Variants in MEF2A observed in about 807,000 individuals in gnomAD.
MEF2A encodes myocyte enhancer factor 2A, also known as myocyte-specific enhancer factor 2A.
MEF2A carries 28 observed loss-of-function variants against 55.8 expected under a neutral mutation model. The observed-to-expected ratio is 0.50, with a 90% CI of 0.37 to 0.69. The LOEUF (loss-of-function observed/expected upper bound fraction) is 0.69, where lower values mean the gene tolerates loss of function less well. Ranked by LOEUF, MEF2A falls within the 30% of genes least tolerant of loss-of-function variation. The pLI, the probability that MEF2A is intolerant of heterozygous loss-of-function variation, is 0.00. For synonymous variants in MEF2A, 239 were observed against 227.1 expected (o/e 1.05, Z -0.47); for missense variants, 528 against 626.2 (o/e 0.84, Z 1.67).
chr15:99,577,984 G>A (rs891386978), intron 1 of MEF2A, among the ~76,000 whole-genome samples: 1 of 152,170 alleles, frequency 6.6e-6, no homozygotes, highest in Non-Finnish European at 1.5e-5. Context: ...TACTAATGAC[G>A]TTAATCTTGT....
intron 7 of MEF2A, among the ~76,000 whole-genome samples, chr15:99,679,187 G>C (rs575270415): frequency 6.6e-6 from 1 of 152,324 alleles, no homozygotes; most frequent in South Asian, 2.1e-4. Flanking sequence ...CTGCAGATAC[G>C]TGTATTGTGT....
At chr15:99,628,390 C>T (rs1346447970) in intron 2 of MEF2A, among the ~76,000 whole-genome samples, 1 of 152,034 alleles carries the variant, frequency 6.6e-6, no homozygotes, top group South Asian at 2.1e-4. Flanking sequence ...AAATCCACTT[C>T]TATTATCTTC....
chr15:99,696,891 G>A (rs2056552765), intron 8 of MEF2A, among the ~76,000 whole-genome samples: 1 of 151,854 alleles, frequency 6.6e-6, no homozygotes, highest in South Asian at 2.1e-4. Context: ...ATGAACTCTA[G>A]ACACAAAAAT....
chr15:99,567,627 CTGTGTGTGTGTGTGTGTGTGTGTGTG>C (rs370539645), intron 1 of MEF2A, among the ~76,000 whole-genome samples: 22 of 143,872 alleles, frequency 1.5e-4, no homozygotes, highest in Non-Finnish European at 3.4e-4. Context: ...TTTGTATGTA[CTGTGTGTGTGTGTGTGTGTGTGTGTG>C]TGTGTGTGTG....
At chr15:99,703,154 A>G (rs1201157540) in intron 8 of MEF2A, among the ~76,000 whole-genome samples, 1 of 152,242 alleles carries the variant, frequency 6.6e-6, no homozygotes, top group Non-Finnish European at 1.5e-5. Context: ...TACTGGCCCT[A>G]GAGAATTTAA....
At chr15:99,648,464 T>C (rs2153498346) in intron 4 of MEF2A, among the ~76,000 whole-genome samples, 1 of 152,262 alleles carries the variant, frequency 6.6e-6, no homozygotes, top group East Asian at 1.9e-4. Flanking sequence ...CCATCTCATG[T>C]GGTTGAAAAC....
chr15:99,690,241 G>A lies in MEF2A; in HGVS notation c.671G>A (p.Gly224Glu), dbSNP rs1338970568. Reference protein sequence around the residue: ...VPNGAGSSPVGNGFVNSRASP... With the variant: ...VPNGAGSSPVENGFVNSRASP... ...TATTGAATGATATTTTTCCCCCCAG[G>A]GAATGGATTTGTAAACTCAAGAGCT... Residue 224 changes from glycine to glutamate, a missense_variant and splice_region_variant, in exon 8 of 12, where the codon GGG (glycine) becomes GAG (glutamate). Transcript: ENST00000557942. 2.5e-6 allele frequency: 4 copies of A among 1,612,688 alleles called. No individual in the cohort carries two copies. Among genetic ancestry groups the A allele is most frequent in the South Asian group, 1.1e-5 (1 of 90,762 alleles).
intron 2 of MEF2A, among the ~76,000 whole-genome samples, chr15:99,616,983 A>G (rs999560917): frequency 6.6e-6 from 1 of 152,160 alleles, no homozygotes; most frequent in African/African-American, 2.4e-5. Context: ...CCAAATCAAC[A>G]AGTTACTCTT....
intron 11 of MEF2A, 91 bp downstream of exon 11, chr15:99,710,851 C>T (rs138963694): frequency 5.3e-5 from 75 of 1,414,948 alleles, no homozygotes; most frequent in African/African-American, 4.1e-4. Context: ...TGTTGAGTTT[C>T]GTGTGAGGAA....
At chr15:99,709,360 C>T (rs981952407) in intron 10 of MEF2A, among the ~76,000 whole-genome samples, 6 of 152,162 alleles carry the variant, frequency 3.9e-5, no homozygotes, top group Non-Finnish European at 1.5e-5. Flanking sequence ...AAGGATGGGC[C>T]ATGTCAGATG....
intron 10 of MEF2A, among the ~76,000 whole-genome samples, chr15:99,710,009 A>G (rs1001767466): frequency 2.6e-5 from 4 of 152,160 alleles, no homozygotes; most frequent in Non-Finnish European, 2.9e-5. Flanking sequence ...TTGCTGATTC[A>G]AACTCACTCT....
chr15:99,636,814 A>G (rs955140884), intron 3 of MEF2A, among the ~76,000 whole-genome samples: 27 of 150,970 alleles, frequency 1.8e-4, no homozygotes, highest in Admixed American at 1.8e-3. Flanking sequence ...TTTTTTTTTA[A>G]CCTTTCATGT....
chr15:99,709,189 T>G (rs1343168693), intron 10 of MEF2A, among the ~76,000 whole-genome samples: 1 of 152,110 alleles, frequency 6.6e-6, no homozygotes, highest in Admixed American at 6.6e-5. Flanking sequence ...CTGGGCAGGC[T>G]TGAGAGAGAG....
intron 2 of MEF2A, among the ~76,000 whole-genome samples, chr15:99,617,598 A>G (rs2040424540): frequency 6.6e-6 from 1 of 152,206 alleles, no homozygotes; most frequent in Non-Finnish European, 1.5e-5. Context: ...AACAGAGGCT[A>G]ATCAAAACAG....
At chr15:99,711,176 C>T (rs1252891519) in intron 11 of MEF2A, among the ~76,000 whole-genome samples, 2 of 152,316 alleles carry the variant, frequency 1.3e-5, no homozygotes, top group South Asian at 2.1e-4. Context: ...GCATTCAGGC[C>T]TCCCTGCCAC....
intron 3 of MEF2A, among the ~76,000 whole-genome samples, chr15:99,644,999 T>G (rs998592132): frequency 1.3e-5 from 2 of 152,026 alleles, no homozygotes; most frequent in Non-Finnish European, 2.9e-5. Flanking sequence ...AAAAATTTTT[T>G]GGGGGGGTCT....
intron 4 of MEF2A, among the ~76,000 whole-genome samples, chr15:99,658,057 C>G (rs2048036695): frequency 6.6e-6 from 1 of 152,014 alleles, no homozygotes; most frequent in African/African-American, 2.4e-5. Flanking sequence ...CAAAGATGAC[C>G]AAGCATACAA....
At chr15:99,578,049 T>C (rs972977045) in intron 1 of MEF2A, among the ~76,000 whole-genome samples, 6 of 152,208 alleles carry the variant, frequency 3.9e-5, no homozygotes, top group African/African-American at 1.4e-4. Context: ...CATAGTGTAG[T>C]TGATAAATAT....
intron 2 of MEF2A, among the ~76,000 whole-genome samples, chr15:99,599,442 A>G (rs1309298104): frequency 1.3e-5 from 2 of 152,108 alleles, no homozygotes; most frequent in African/African-American, 2.4e-5. Flanking sequence ...ACATAGGTCT[A>G]AATTTTTTTT....
Sources: allele counts gnomAD v4.1 joint callset (sites outside exome capture counted in the v4.1 genomes callset), GRCh38; gene constraint gnomAD v4.1.1; transcripts MANE v1.5; gene names NCBI Gene and HGNC (gene_info 2026-07-23, HGNC 2026-07-21).